Variants in PKIB observed in about 807,000 individuals in gnomAD.
PKIB encodes the protein PKI-beta.
A neutral mutation model predicts 4.5 loss-of-function variants in PKIB; 2 were observed. The ratio of observed to expected loss-of-function variants is 0.44; its 90% CI spans 0.18 to 1.39. The LOEUF is 1.39. Among genes scored for constraint, PKIB ranks in the 40% most tolerant of loss-of-function variants. The probability of loss-of-function intolerance (pLI) is 0.27; values close to 1 mark genes in which losing one functional copy is unlikely to be tolerated. For synonymous variants in PKIB, 38 were observed against 36.0 expected, an observed-to-expected ratio of 1.06 and a Z score of -0.20; for missense variants, 94 against 92.6, an observed-to-expected ratio of 1.02 and a Z score of -0.06.
At chr6:122,693,012 G>C (rs547194323) in intron 3 of PKIB, among the ~76,000 whole-genome samples, 1 of 152,360 alleles carries the variant, frequency 6.6e-6, no homozygotes, top group Admixed American at 6.5e-5. Flanking sequence ...TAGAGGATTT[G>C]CTGAGGATAA....
At chr6:122,519,995 C>G (rs1249050331) in intron 2 of PKIB, among the ~76,000 whole-genome samples, 1 of 152,126 alleles carries the variant, frequency 6.6e-6, no homozygotes, top group East Asian at 1.9e-4. Flanking sequence ...CCAAGATTCC[C>G]TCTAGGGTGC....
chr6:122,538,228 G>C, intron 2 of PKIB, among the ~76,000 whole-genome samples: 1 of 152,012 alleles, frequency 6.6e-6, no homozygotes, highest in Non-Finnish European at 1.5e-5. Context: ...ATTGCTTTTG[G>C]TGTTTTAGAC....
At chr6:122,697,345 G>T (rs1167771961) in intron 3 of PKIB, among the ~76,000 whole-genome samples, 1 of 151,902 alleles carries the variant, frequency 6.6e-6, no homozygotes, top group Admixed American at 6.6e-5. Flanking sequence ...TAAATTTTTG[G>T]CTTTATGCTA....
intron 3 of PKIB, among the ~76,000 whole-genome samples, chr6:122,703,508 A>AAGT (rs1239360038): frequency 2.6e-5 from 4 of 152,256 alleles, no homozygotes; most frequent in East Asian, 3.9e-4. Context: ...ATGTAAGTAT[A>AAGT]AATGACTAAG....
At chr6:122,524,931 T>A (rs1406666956) in intron 2 of PKIB, among the ~76,000 whole-genome samples, 3 of 151,800 alleles carry the variant, frequency 2.0e-5, no homozygotes, top group African/African-American at 7.2e-5. Flanking sequence ...TTTGTTGATT[T>A]TTTTCCTTTT....
intron 3 of PKIB, among the ~76,000 whole-genome samples, chr6:122,592,842 G>C (rs1774058876): frequency 6.6e-6 from 1 of 152,174 alleles, no homozygotes; most frequent in South Asian, 2.1e-4. Context: ...GTGAAATGCA[G>C]ATTGTGATTT....
chr6:122,682,054 T>C (rs1434590380), intron 3 of PKIB, among the ~76,000 whole-genome samples: 3 of 152,172 alleles, frequency 2.0e-5, no homozygotes, highest in African/African-American at 7.2e-5. Context: ...TCTGGGATTG[T>C]CTACTGCATG....
intron 1 of PKIB, among the ~76,000 whole-genome samples, chr6:122,477,102 TTAATA>T (rs1386897560): frequency 1.3e-5 from 2 of 152,318 alleles, no homozygotes; most frequent in African/African-American, 4.8e-5. Flanking sequence ...TTCAATGACA[TTAATA>T]TAAAAATTCT....
chr6:122,716,301 C>A (rs7381836), intron 3 of PKIB, among the ~76,000 whole-genome samples: 63,756 of 151,922 alleles, frequency 0.42, 14,869 homozygotes, highest in South Asian at 0.64. Flanking sequence ...AACTGTGACT[C>A]AGAGAAATTA....
chr6:122,648,690 A>G (rs1776421905), intron 2 of PKIB, among the ~76,000 whole-genome samples: 1 of 152,196 alleles, frequency 6.6e-6, no homozygotes, highest in South Asian at 2.1e-4. Context: ...AGGGAGAGTA[A>G]ATTTATATCC....
At chr6:122,652,072 C>T (rs1776575505) in intron 2 of PKIB, among the ~76,000 whole-genome samples, 1 of 152,096 alleles carries the variant, frequency 6.6e-6, no homozygotes, top group Non-Finnish European at 1.5e-5. Context: ...CATTAGAGAA[C>T]ATATTCCAAG....
rs186866937 is a variant in PKIB at position 122,549,880 on chromosome 6, A to T, written c.-247-36041A>T. On this transcript the variant is annotated intron_variant, in intron 2 of 6. Coordinates refer to the PKIB transcript ENST00000392491. ...TATGTATATGTATATAAAAATATAT[A>T]ATTTTATATATACACACACACACAC... Among the ~76,000 whole-genome samples, 602 of 147,396 alleles carry T rather than the reference A, an allele frequency of 4.1e-3. 1 individual carries two copies. The highest frequency in any genetic ancestry group is 0.015 in the South Asian group (73 of 4,740).
At chr6:122,645,751 G>C (rs1339502954) in intron 2 of PKIB, among the ~76,000 whole-genome samples, 1 of 152,174 alleles carries the variant, frequency 6.6e-6, no homozygotes, top group Non-Finnish European at 1.5e-5. Context: ...AAGGATACTT[G>C]TGACATCCTC....
intron 2 of PKIB, among the ~76,000 whole-genome samples, chr6:122,535,976 C>T (rs1777394838): frequency 6.6e-6 from 1 of 152,152 alleles, no homozygotes; most frequent in Admixed American, 6.6e-5. Flanking sequence ...GAGTAAGACT[C>T]TGTCACCCAA....
intron 2 of PKIB, among the ~76,000 whole-genome samples, chr6:122,637,556 A>T (rs1229551447): frequency 6.6e-6 from 1 of 152,056 alleles, no homozygotes; most frequent in African/African-American, 2.4e-5. Flanking sequence ...GGAGATTGAG[A>T]CCATCCTGAC....
At chr6:122,567,354 C>T (rs191584087) in intron 2 of PKIB, among the ~76,000 whole-genome samples, 75 of 152,264 alleles carry the variant, frequency 4.9e-4, no homozygotes, top group African/African-American at 1.6e-3. Flanking sequence ...GAATTAAGCT[C>T]TATTCACTCA....
At chr6:122,677,872 TTCCTTCCTTCCTTCCTTC>T (rs1401643113) in intron 3 of PKIB, among the ~76,000 whole-genome samples, 4 of 114,986 alleles carry the variant, frequency 3.5e-5, no homozygotes, top group Non-Finnish European at 5.8e-5. Context: ...CCTTCCTTCC[TTCCTTCCTTCCTTCCTTC>T]CTTTCTTTCT....
upstream of PKIB, among the ~76,000 whole-genome samples, chr6:122,606,352 C>T (rs1442623123): frequency 6.6e-6 from 1 of 152,158 alleles, no homozygotes; most frequent in Non-Finnish European, 1.5e-5. Context: ...GCAGGCGGAT[C>T]ACCTGAGGTC....
chr6:122,556,951 C>T (rs537694524), intron 2 of PKIB, among the ~76,000 whole-genome samples: 33 of 152,310 alleles, frequency 2.2e-4, no homozygotes, highest in African/African-American at 7.0e-4. Context: ...TGGTGGCTTA[C>T]GCCTGTAATC....
Sources: allele counts gnomAD v4.1 joint callset (sites outside exome capture counted in the v4.1 genomes callset), GRCh38; gene constraint gnomAD v4.1.1; transcripts MANE v1.5; gene names NCBI Gene and HGNC (gene_info 2026-07-23, HGNC 2026-07-21).